SAMD13: variants seen among roughly 807,000 people sequenced by gnomAD.
SAMD13 encodes sterile alpha motif domain containing 13.
SAMD13 carries 9 observed loss-of-function variants against 12.4 expected under a neutral mutation model. The observed-to-expected ratio is 0.72, with a 90% CI of 0.44 to 1.26. The LOEUF is 1.26. Among genes scored for constraint, SAMD13 ranks in the 50% most tolerant of loss-of-function variants. SAMD13 has a pLI of 0.00. For missense variants in SAMD13, 84 were observed against 119.6 expected, an observed-to-expected ratio of 0.70 and a Z score of 1.39; for synonymous variants, 46 against 45.4, an observed-to-expected ratio of 1.01 and a Z score of -0.05.
intron 2 of SAMD13, among the ~76,000 whole-genome samples, chr1:84,307,213 G>T (rs1440542978): frequency 6.6e-6 from 1 of 152,116 alleles, no homozygotes; most frequent in Non-Finnish European, 1.5e-5. Context: ...ATTCATTGAT[G>T]ATTGGTTCAT....
chr1:84,309,630 A>G (rs1007788311), intron 2 of SAMD13, among the ~76,000 whole-genome samples: 1 of 152,158 alleles, frequency 6.6e-6, no homozygotes, highest in Admixed American at 6.5e-5. Context: ...TTCTACTTGA[A>G]CACATTCTGA....
chr1:84,298,613 C>T (rs746032984), upstream of SAMD13: 2 of 1,273,882 alleles, frequency 1.6e-6, no homozygotes, highest in Non-Finnish European at 2.0e-6. Context: ...GGCGCCCGCC[C>T]TCTCCTCTCT....
intron 2 of SAMD13, among the ~76,000 whole-genome samples, chr1:84,314,240 A>G (rs1421040369): frequency 6.6e-6 from 1 of 152,144 alleles, no homozygotes; most frequent in African/African-American, 2.4e-5. Context: ...ACAGCAATCT[A>G]CAGATCAGTC....
chr1:84,303,206 C>T lies in SAMD13; in HGVS notation c.-29C>T. On this transcript the variant is annotated 5_prime_UTR_variant, in exon 2 of 4. Transcript: ENST00000394834. ...GCTTTTCTCCCTTATTGATTAGTTG[C>T]TGAAGTAAAGGAACCCTGCAGCCTT... is the stretch of plus-strand genomic sequence containing the variant. The T allele has an allele frequency of 5.6e-6, 9 of 1,610,812 alleles. No homozygotes were observed. The highest frequency in any genetic ancestry group is 7.6e-6 in the Non-Finnish European group (9 of 1,177,396).
intron 3 of SAMD13, among the ~76,000 whole-genome samples, chr1:84,341,193 T>C (rs1679417019): frequency 6.6e-6 from 1 of 152,222 alleles, no homozygotes; most frequent in South Asian, 2.1e-4. Context: ...TCATTGGTTC[T>C]GTTTCTCTGG....
At chr1:84,347,748 A>G (rs1384390118) in intron 3 of SAMD13, among the ~76,000 whole-genome samples, 1 of 152,208 alleles carries the variant, frequency 6.6e-6, no homozygotes, top group African/African-American at 2.4e-5. Flanking sequence ...CAGTGTCTTC[A>G]GCACGGCTAC....
At chr1:84,315,776 T>G (rs1678820156) in intron 2 of SAMD13, among the ~76,000 whole-genome samples, 1 of 152,228 alleles carries the variant, frequency 6.6e-6, no homozygotes, top group Non-Finnish European at 1.5e-5. Flanking sequence ...ATCTTTAATT[T>G]CTTGAGGAAT....
Position 84,349,721 on chromosome 1 carries a change from G to A in SAMD13, c.256G>A (p.Glu86Lys), listed in dbSNP as rs777149908. The change falls in exon 4 of 4, where the codon GAA (glutamate) becomes AAA (lysine). Residue 86 changes from glutamate to lysine, a missense_variant. Physicochemically the swap from Glu to Lys is moderately conservative, Grantham distance 56. Coordinates refer to ENST00000394834, the MANE Select transcript of SAMD13 (RefSeq NM_001134663.2). Reference sequence around the variant, plus strand: ...ATTGGGGCCTGCTCTGAAAATCTACGAATATCATGTAAAACCTCTGCAGAC... The same window carrying A: ...ATTGGGGCCTGCTCTGAAAATCTACAAATATCATGTAAAACCTCTGCAGAC... ...LKLGPALKIY[E>K]YHVKPLQTKH... is the part of the protein sequence containing the mutation. 6.2e-6 allele frequency: 10 copies of A among 1,613,720 alleles called. No homozygotes were observed. Among genetic ancestry groups the A allele is most frequent in the South Asian group, 1.1e-5 (1 of 91,068 alleles).
At chr1:84,336,710 C>T (rs1388555159) in intron 3 of SAMD13, among the ~76,000 whole-genome samples, 1 of 152,154 alleles carries the variant, frequency 6.6e-6, no homozygotes, top group East Asian at 1.9e-4. Context: ...CATTTCAAAA[C>T]CATTCATGCC....
chr1:84,309,206 T>A (rs527802874), intron 2 of SAMD13, among the ~76,000 whole-genome samples: 2 of 152,192 alleles, frequency 1.3e-5, no homozygotes, highest in Admixed American at 6.5e-5. Context: ...CTCTTCTGAC[T>A]CCAAGATAAC....
chr1:84,319,176 T>C lies in SAMD13; in HGVS notation c.54-6461T>C, dbSNP rs528642637. On this transcript the variant is annotated intron_variant, in intron 2 of 3. Transcript: ENST00000394834. The stretch of plus-strand genomic sequence containing the variant: ...CCCAAATCCTTTGGAACAGAGACCA[T>C]TGTGCTGTGGCTCAGAGCAGGGAGG... Among the ~76,000 whole-genome samples the C allele has an allele frequency of 1.1e-4, 17 of 152,290 alleles. No individual in the cohort carries two copies. The South Asian group carries it at 3.1e-3, about 28-fold the overall frequency.
In SAMD13 at chr1:84,304,975, T is replaced by C. The variant is rs536430821; in HGVS notation, c.53+1688T>C. On this transcript the variant is annotated intron_variant, in intron 2 of 3. Transcript: ENST00000394834. Reference sequence around the variant, plus strand: ...CTTAGGTATTATAAATAAAGCTGCTTTGATCATTTGCGTGCAGGTCTCTGT... The same window carrying C: ...CTTAGGTATTATAAATAAAGCTGCTCTGATCATTTGCGTGCAGGTCTCTGT... Among the ~76,000 whole-genome samples, 77 of 152,294 alleles carry C rather than the reference T, an allele frequency of 5.1e-4. 3 individuals carry two copies. In the South Asian group the frequency reaches 0.015, roughly 30 times the overall value.
chr1:84,311,144 T>A (rs1678700326), intron 2 of SAMD13, among the ~76,000 whole-genome samples: 2 of 151,922 alleles, frequency 1.3e-5, no homozygotes, highest in African/African-American at 4.8e-5. Flanking sequence ...GAGAAAAGCC[T>A]GGCCAACATG....
chr1:84,341,874 A>G (rs1031190656), intron 3 of SAMD13, among the ~76,000 whole-genome samples: 6 of 152,152 alleles, frequency 3.9e-5, no homozygotes, highest in Non-Finnish European at 8.8e-5. Flanking sequence ...ATTAAAGTAG[A>G]CCAACAGATA....
At chr1:84,336,540 A>G (rs190710455) in intron 3 of SAMD13, among the ~76,000 whole-genome samples, 67 of 152,292 alleles carry the variant, frequency 4.4e-4, no homozygotes, top group African/African-American at 1.6e-3. Flanking sequence ...AGACTTATTC[A>G]CTATCATGAG....
chr1:84,305,252 T>C (rs1004096759), intron 2 of SAMD13, among the ~76,000 whole-genome samples: 13 of 152,188 alleles, frequency 8.5e-5, no homozygotes, highest in African/African-American at 3.1e-4. Flanking sequence ...ATTTCCCTAA[T>C]GACTAATGAT....
At chr1:84,298,664 C>T (rs921460149), upstream of SAMD13, 12 of 1,129,810 alleles carry the variant, frequency 1.1e-5, no homozygotes, top group Admixed American at 4.2e-5. Flanking sequence ...ATGAAAACCG[C>T]TCTGCCCTCC....
rs1377387218 is a variant in SAMD13 at position 84,332,385 on chromosome 1, C to A, written c.165+6637C>A. On this transcript the variant is annotated intron_variant, in intron 3 of 3. Transcript: ENST00000394834. The stretch of plus-strand genomic sequence containing the variant: ...TATAAGTATTCCCTTTTCTAAGCAA[C>A]CTCACCAGCATCTGTTTTTATTATT... Among the ~76,000 whole-genome samples, 3 of 152,168 alleles carry A rather than the reference C, an allele frequency of 2.0e-5. No individual in the cohort carries two copies. The East Asian group carries it at 5.8e-4, about 29-fold the overall frequency.
rs1231187903 is a variant in SAMD13 at position 84,349,976 on chromosome 1, AG to A, written c.*205del. ...GGAGGAGCAAGGACAAGATGCGCAC[AG>A]GGTGGTTTTCCTCATGGATTTTGTC... On this transcript the variant is annotated 3_prime_UTR_variant, in exon 4 of 4. Transcript: ENST00000394834. The A allele has an allele frequency of 1.2e-5, 14 of 1,185,948 alleles. No homozygotes were observed. Among genetic ancestry groups the A allele is most frequent in the East Asian group, 9.0e-5 (3 of 33,376 alleles). The allele number at this position is 1,185,948 out of a possible 1,614,324, so 73.5% of individuals were successfully genotyped here.
Sources: gnomAD v4.1 joint callset for allele counts (sites outside exome capture counted in the v4.1 genomes callset) on GRCh38, gnomAD v4.1.1 for gene constraint, MANE v1.5 for transcripts, NCBI Gene and HGNC (gene_info 2026-07-23, HGNC 2026-07-21) for gene names.